The following ANKRD13D variants were observed in gnomAD, a reference collection of about 807,000 sequenced individuals.
ANKRD13D encodes the protein ankyrin repeat domain 13D, also known as ankyrin repeat domain-containing protein 13D.
ANKRD13D carries 24 observed loss-of-function variants against 68.8 expected under a neutral mutation model. The observed-to-expected ratio is 0.35, with a 90% CI of 0.25 to 0.49. The LOEUF is 0.49. Ranked by LOEUF, ANKRD13D falls within the 20% of genes least tolerant of loss-of-function variation. The pLI is 0.99. For synonymous variants in ANKRD13D, 331 were observed against 336.1 expected (o/e 0.98, Z 0.16); for missense variants, 735 against 832.1 (o/e 0.88, Z 1.44).
chr11:67,291,053 C>A, intron 3 of ANKRD13D: 1 of 223,530 alleles, frequency 4.5e-6, no homozygotes, highest in Non-Finnish European at 9.0e-6. Flanking sequence ...TGAGCCATAG[C>A]AGTGCGTCAA....
rs968388346 is a variant in ANKRD13D, at chr11:67,299,668, G to C, written c.880+57G>C. The C allele has an allele frequency of 3.2e-5, 50 of 1,543,328 alleles. No individual in the cohort carries two copies. Among genetic ancestry groups the C allele is most frequent in the Non-Finnish European group, 2.9e-5 (33 of 1,141,588 alleles). On this transcript the variant is annotated intron_variant, in intron 8 of 14. Coordinates refer to ENST00000511455, the MANE Select transcript of ANKRD13D (RefSeq NM_207354.3). This position sits in a 1 kb window ranked among gnomAD's most constrained non-coding sequence, Gnocchi z 6.2. ...TCACACCGTGTGGTGGGGTCACCCT[G>C]GCCTGGGATTAGGGGCCAGAGTTTC...
Position 67,299,178 on chromosome 11 carries a change from C to A in ANKRD13D, c.798+54C>A. 6.3e-7 allele frequency: 1 copy of A among 1,587,512 alleles called. No individual in the cohort carries two copies. Among genetic ancestry groups the A allele is most frequent in the Non-Finnish European group, 8.6e-7 (1 of 1,158,848 alleles). On this transcript the variant is annotated intron_variant, in intron 7 of 14. Coordinates refer to ENST00000511455, the MANE Select transcript of ANKRD13D (RefSeq NM_207354.3). The surrounding 1 kb of genome is among the most constrained non-coding windows in gnomAD (Gnocchi z 6.2). ...GGGTAGGAGATGAGGTCCAGGAACT[C>A]AGCTCCTCTCCACATCCATCCCAGA...
intron 5 of ANKRD13D, 62 bp from the exon 6 acceptor site, chr11:67,291,929 T>C (rs1590865038): frequency 1.3e-6 from 2 of 1,530,450 alleles, no homozygotes; most frequent in East Asian, 4.6e-5. Flanking sequence ...GATCGCCCTC[T>C]CTGCACTGCT....
At position 67,299,280 on chromosome 11, in the gene ANKRD13D, A is replaced by G; in HGVS notation, c.798+156A>G. The G allele has an allele frequency of 1.1e-6, 1 of 879,526 alleles. No homozygotes were observed. The highest frequency in any genetic ancestry group is 1.8e-6 in the Non-Finnish European group (1 of 561,370). 54.5% of individuals were successfully genotyped at this position (879,526 alleles called of 1,614,324 possible). The stretch of plus-strand genomic sequence containing the variant: ...TGAGTGCCCAGCCCCTGCGGAGTAC[A>G]CAGGGCTCACCCACATCATGGGCCC... On this transcript the variant is annotated intron_variant, in intron 7 of 14. Coordinates refer to ENST00000511455, the MANE Select transcript of ANKRD13D (RefSeq NM_207354.3). This position sits in a 1 kb window ranked among gnomAD's most constrained non-coding sequence, Gnocchi z 6.2.
intron 6 of ANKRD13D, among the ~76,000 whole-genome samples, chr11:67,296,795 C>A (rs575632197): frequency 6.6e-6 from 1 of 151,952 alleles, no homozygotes; most frequent in East Asian, 1.9e-4. Flanking sequence ...AGCTAATTTT[C>A]TTTTTTTGTA....
In ANKRD13D at chr11:67,301,830, C is replaced by T. The variant is rs769381695; in HGVS notation, c.1604+7C>T. Reference sequence around the variant, plus strand: ...AACAGCTTCAGCTGGAGCGGTGAGCCCCTCATGGGGCTGGCTGGGTCCCTG... The same window carrying T: ...AACAGCTTCAGCTGGAGCGGTGAGCTCCTCATGGGGCTGGCTGGGTCCCTG... On this transcript the variant is annotated splice_region_variant and intron_variant, in intron 14 of 14. Transcript: ENST00000511455. This position sits in a 1 kb window ranked among gnomAD's most constrained non-coding sequence, Gnocchi z 4.5. 2.5e-6 allele frequency: 4 copies of T among 1,585,016 alleles called. No individual in the cohort carries two copies. The African/African-American group carries it at 5.4e-5, about 21-fold the overall frequency.
In ANKRD13D at chr11:67,301,302, C is replaced by T; in HGVS notation, c.1252C>T (p.Leu418Phe). The change falls in exon 12 of 15, where the codon CTC (leucine) becomes TTC (phenylalanine). Residue 418 changes from leucine to phenylalanine, a missense_variant. Coordinates refer to ENST00000511455, the MANE Select transcript of ANKRD13D (RefSeq NM_207354.3). This position sits in a 1 kb window ranked among gnomAD's most constrained non-coding sequence, Gnocchi z 4.5. ...VKIEIPLFHVLNARITFSNLC... is the reference protein window; with the variant it reads ...VKIEIPLFHVFNARITFSNLC... Reference sequence around the variant, plus strand: ...CACAGAGATTCCCCTTTTCCACGTGCTCAATGCCCGCATCACCTTCAGCAA... The same window carrying T: ...CACAGAGATTCCCCTTTTCCACGTGTTCAATGCCCGCATCACCTTCAGCAA... 1.2e-6 allele frequency: 2 copies of T among 1,613,034 alleles called. No individual in the cohort carries two copies. The highest frequency in any genetic ancestry group is 1.7e-6 in the Non-Finnish European group (2 of 1,179,460).
chr11:67,293,926 G>T (rs886876486), intron 6 of ANKRD13D, among the ~76,000 whole-genome samples: 1 of 152,190 alleles, frequency 6.6e-6, no homozygotes, highest in South Asian at 2.1e-4. Flanking sequence ...TAATTTTTGT[G>T]TATAGTGGAA....
In ANKRD13D at chr11:67,300,560, A is replaced by T; in HGVS notation, c.1074-430A>T. The T allele has an allele frequency of 2.9e-6, 1 of 350,794 alleles. No individual in the cohort carries two copies. Among genetic ancestry groups the T allele is most frequent in the Non-Finnish European group, 5.2e-6 (1 of 192,736 alleles). The allele number at this position is 350,794 out of a possible 1,614,324, so 21.7% of individuals were successfully genotyped here. A position where few individuals can be genotyped will look rare whatever the true frequency, so the allele number is the denominator to read the frequency against. ...AGCCTAGCGCTCTCCCCACCATCTC[A>T]GGAGGATTCTCTTAGCCACCCAACA... On this transcript the variant is annotated intron_variant, in intron 10 of 14. Coordinates refer to ENST00000511455, the MANE Select transcript of ANKRD13D (RefSeq NM_207354.3). The surrounding 1 kb of genome is among the most constrained non-coding windows in gnomAD (Gnocchi z 4.3).
At chr11:67,290,262 A>G (rs1257209407) in intron 2 of ANKRD13D, 49 bp downstream of exon 2, 12 of 1,545,500 alleles carry the variant, frequency 7.8e-6, no homozygotes, top group Non-Finnish European at 1.0e-5. Flanking sequence ...GGCGGGGGGC[A>G]GTGAGCAGCC....
At chr11:67,295,233 T>G (rs549265867) in intron 6 of ANKRD13D, among the ~76,000 whole-genome samples, 2 of 151,704 alleles carry the variant, frequency 1.3e-5, no homozygotes, top group East Asian at 3.9e-4. Flanking sequence ...CTGGCTAACA[T>G]GGTGAAACCC....
rs752356283 is a variant in ANKRD13D at position 67,290,184 on chromosome 11, T to C, written c.197T>C (p.Val66Ala). 2.6e-6 allele frequency: 4 copies of C among 1,537,674 alleles called. No individual in the cohort carries two copies. Among genetic ancestry groups the C allele is most frequent in the Non-Finnish European group, 3.5e-6 (4 of 1,146,878 alleles). The change falls in exon 2 of 15, where the codon GTG (valine) becomes GCG (alanine). Residue 66 changes from valine (V) to alanine (A), a missense_variant. Coordinates refer to ENST00000511455, the MANE Select transcript of ANKRD13D (RefSeq NM_207354.3). ...GTGCTCCTTCGACACAATGCCAACG[T>C]GGGCAAAGAGAACCGCCAGGGCTGG... is the stretch of plus-strand genomic sequence containing the variant. ...VRVLLRHNAN[V>A]GKENRQGWAV...
In ANKRD13D at chr11:67,299,561, C is replaced by T. The variant is rs1178734862; in HGVS notation, c.830C>T (p.Thr277Ile). The T allele has an allele frequency of 6.4e-7, 1 of 1,551,094 alleles. No homozygotes were observed. The change falls in exon 8 of 15, where the codon ACA (threonine) becomes ATA (isoleucine). Residue 277 changes from threonine (T) to isoleucine (I), a missense_variant. By Grantham distance (89) the Thr-to-Ile change is moderately conservative. Coordinates refer to ENST00000511455, the MANE Select transcript of ANKRD13D (RefSeq NM_207354.3). The surrounding 1 kb of genome is among the most constrained non-coding windows in gnomAD (Gnocchi z 6.2). ...VYSATNVELV[T>I]RTRTEHLSDQ... ...AGTGCCACCAACGTGGAGCTGGTGA[C>T]ACGCACACGCACGGAGCACCTCTCT...
rs1413366237 is a variant in ANKRD13D, at chr11:67,300,622, G to A, written c.1074-368G>A. ...TCGAACCCTGGCAGTCTTGCCCTGG[G>A]GTGTGCTGGACATAAAAGTTTGGCA... is the stretch of plus-strand genomic sequence containing the variant. On this transcript the variant is annotated intron_variant, in intron 10 of 14. Transcript: ENST00000511455. This position sits in a 1 kb window ranked among gnomAD's most constrained non-coding sequence, Gnocchi z 4.3. 2.3e-6 allele frequency: 1 copy of A among 438,100 alleles called. No homozygotes were observed. The highest frequency in any genetic ancestry group is 4.0e-6 in the Non-Finnish European group (1 of 247,476). 27.1% of individuals were successfully genotyped at this position (438,100 alleles called of 1,614,324 possible). A position where few individuals can be genotyped will look rare whatever the true frequency, so the allele number is the denominator to read the frequency against.
chr11:67,291,965 C>T (rs1376013865), intron 5 of ANKRD13D, 26 bp from the exon 6 acceptor site: 2 of 1,554,890 alleles, frequency 1.3e-6, no homozygotes, highest in African/African-American at 2.7e-5. Flanking sequence ...TTTGCGCCCC[C>T]TCTGTCCACC....
At position 67,302,233 on chromosome 11, in the gene ANKRD13D, G is replaced by A. The variant is rs1265184679; in HGVS notation, c.1719G>A (p.Leu573=). The A allele has an allele frequency of 6.3e-7, 1 of 1,577,734 alleles. No homozygotes were observed. The highest frequency in any genetic ancestry group is 1.8e-5 in the Admixed American group (1 of 55,148). Residue 573 remains leucine, a synonymous_variant, in exon 15 of 15, where the codon CTG becomes CTA. Transcript: ENST00000511455. ...PSFEEQLRLA[L]ELSSREQEER... ...TTGAAGAGCAGCTGCGCCTGGCCCT[G>A]GAGTTGTCTTCACGGGAGCAGGAGG... is the stretch of plus-strand genomic sequence containing the variant.
At chr11:67,295,963 C>T (rs1860742778) in intron 6 of ANKRD13D, among the ~76,000 whole-genome samples, 1 of 152,070 alleles carries the variant, frequency 6.6e-6, no homozygotes, top group Non-Finnish European at 1.5e-5. Flanking sequence ...TTGTGAAATG[C>T]TTTTTCTGTG....
chr11:67,296,514 T>G (rs1222038125), intron 6 of ANKRD13D, among the ~76,000 whole-genome samples: 1 of 152,232 alleles, frequency 6.6e-6, no homozygotes, highest in African/African-American at 2.4e-5. Flanking sequence ...TTATAAAATT[T>G]GTTGGTGTAC....
At chr11:67,290,594 C>T (rs894628262) in intron 3 of ANKRD13D, 148 bp downstream of exon 3, 1 of 1,258,092 alleles carries the variant, frequency 7.9e-7, no homozygotes, top group African/African-American at 1.5e-5. Flanking sequence ...GACCCCAGCC[C>T]AGGGTCACGT....
Sources: allele counts gnomAD v4.1 joint callset (sites outside exome capture counted in the v4.1 genomes callset), GRCh38; gene constraint gnomAD v4.1.1; non-coding constraint Gnocchi (gnomAD v3.1); transcripts MANE v1.5; gene names NCBI Gene and HGNC (gene_info 2026-07-23, HGNC 2026-07-21).